The following FTO variants were observed in gnomAD, a reference collection of about 807,000 sequenced individuals.
The protein encoded by FTO is alpha-ketoglutarate-dependent dioxygenase FTO.
In FTO, 47 loss-of-function variants were observed where a neutral mutation model predicts 63.9. That is an observed-to-expected ratio of 0.74 (90% CI 0.58 to 0.94). The LOEUF is 0.94. Among genes scored for constraint, FTO ranks in the 40% least tolerant of loss-of-function variants. The probability of loss-of-function intolerance (pLI) is 0.00; values close to 1 mark genes in which losing one functional copy is unlikely to be tolerated. For missense variants in FTO, 562 were observed against 618.1 expected, an observed-to-expected ratio of 0.91 and a Z score of 0.96; for synonymous variants, 207 against 224.4, an observed-to-expected ratio of 0.92 and a Z score of 0.69.
rs995426018 is a variant in FTO at position 53,802,002 on chromosome 16, C to T, written c.46-8138C>T. On this transcript the variant is annotated intron_variant, in intron 1 of 8. Coordinates refer to ENST00000471389, the MANE Select transcript of FTO (RefSeq NM_001080432.3). ...CTTGAACTCCTGGCCTCAAGTTATCCACCCGCCCACCTCGGCCTCCCAAAG... is the reference window on the plus strand; with the variant it reads ...CTTGAACTCCTGGCCTCAAGTTATCTACCCGCCCACCTCGGCCTCCCAAAG... Among the ~76,000 whole-genome samples the T allele has an allele frequency of 2.6e-5, 4 of 152,182 alleles. No individual in the cohort carries two copies. The East Asian group carries it at 7.7e-4, about 29-fold the overall frequency.
At chr16:53,869,062 C>T (rs761120356) in intron 4 of FTO, among the ~76,000 whole-genome samples, 2 of 152,076 alleles carry the variant, frequency 1.3e-5, no homozygotes, top group Non-Finnish European at 2.9e-5. Context: ...GAACTACTGA[C>T]CTCAAGCGAT....
intron 8 of FTO, among the ~76,000 whole-genome samples, chr16:53,989,307 G>C (rs2083746395): frequency 6.6e-6 from 1 of 152,204 alleles, no homozygotes; most frequent in Non-Finnish European, 1.5e-5. Flanking sequence ...TAAGGCAAGA[G>C]ATGGGGAAAC....
intron 8 of FTO, among the ~76,000 whole-genome samples, chr16:54,057,462 G>GTTGTTTT: frequency 1.3e-5 from 2 of 152,202 alleles, no homozygotes; most frequent in African/African-American, 4.8e-5. Flanking sequence ...AGAAGCAAAT[G>GTTGTTTT]TTGTTTTTTG....
At chr16:53,839,812 TTTATTTA>T (rs1384056772) in intron 3 of FTO, among the ~76,000 whole-genome samples, 724 of 46,622 alleles carry the variant, frequency 0.016, 10 homozygotes, top group African/African-American at 0.061. Flanking sequence ...TATTTATTTA[TTTATTTA>T]TTTTAAGGTG....
chr16:53,743,233 G>A lies in FTO; in HGVS notation c.45+39004G>A, dbSNP rs57654719. 9.7e-3 allele frequency among the ~76,000 whole-genome samples: 1,474 copies of A among 152,236 alleles called. 21 individuals are homozygous for A. Among genetic ancestry groups the A allele is most frequent in the East Asian group, 0.04 (208 of 5,180 alleles). ...GTGATTTAAGTTAACATGATTTGAA[G>A]CTTCACTGTGGTCGGAATGAAAGCT... is the stretch of plus-strand genomic sequence containing the variant. On this transcript the variant is annotated intron_variant, in intron 1 of 8. Coordinates refer to ENST00000471389, the MANE Select transcript of FTO (RefSeq NM_001080432.3).
At chr16:54,023,490 C>CG (rs1354403601) in intron 8 of FTO, among the ~76,000 whole-genome samples, 1 of 152,200 alleles carries the variant, frequency 6.6e-6, no homozygotes, top group East Asian at 1.9e-4. Flanking sequence ...ATCTCACACT[C>CG]GCTGACCTCC....
intron 7 of FTO, among the ~76,000 whole-genome samples, chr16:53,910,327 G>T (rs1304244853): frequency 6.6e-6 from 1 of 152,090 alleles, no homozygotes; most frequent in Non-Finnish European, 1.5e-5. Flanking sequence ...TGGAGACAGT[G>T]GTTGGAGCTG....
intron 8 of FTO, among the ~76,000 whole-genome samples, chr16:54,048,124 A>AAG (rs2085220636): frequency 1.0e-5 from 1 of 100,162 alleles, no homozygotes; most frequent in Non-Finnish European, 1.8e-5. Context: ...AAAAAAAAAA[A>AAG]TTAAAAAAAA....
chr16:53,856,278 CA>C (rs2079989806), intron 4 of FTO, among the ~76,000 whole-genome samples: 1 of 151,712 alleles, frequency 6.6e-6, no homozygotes, highest in South Asian at 2.1e-4. Context: ...TCAGTCCCAG[CA>C]GCACGTTTCA....
intron 8 of FTO, among the ~76,000 whole-genome samples, chr16:54,001,272 G>GT (rs1284587985): frequency 1.3e-5 from 2 of 152,174 alleles, no homozygotes; most frequent in African/African-American, 2.4e-5. Context: ...AATTTAAATA[G>GT]TTTTTTCCGT....
intron 8 of FTO, among the ~76,000 whole-genome samples, chr16:53,959,119 GT>G: frequency 6.6e-6 from 1 of 152,314 alleles, no homozygotes; most frequent in East Asian, 1.9e-4. Flanking sequence ...TGGTAGGTAT[GT>G]TTATTATCTC....
In FTO at chr16:53,946,303, A is replaced by G. The variant is rs1478350188; in HGVS notation, c.1364+12194A>G. Among the ~76,000 whole-genome samples the G allele has an allele frequency of 2.6e-5, 4 of 152,374 alleles. No homozygotes were observed. The East Asian group carries it at 7.7e-4, about 29-fold the overall frequency. ...TTCTCAGGTATTGGTCAGACTGTTCAGTATCCATGCGTGAAAGAAATAGGT... is the reference window on the plus strand; with the variant it reads ...TTCTCAGGTATTGGTCAGACTGTTCGGTATCCATGCGTGAAAGAAATAGGT... On this transcript the variant is annotated intron_variant, in intron 8 of 8. Coordinates refer to ENST00000471389, the MANE Select transcript of FTO (RefSeq NM_001080432.3).
At chr16:54,059,253 G>A (rs2085513749) in intron 8 of FTO, among the ~76,000 whole-genome samples, 1 of 152,202 alleles carries the variant, frequency 6.6e-6, no homozygotes, top group African/African-American at 2.4e-5. Context: ...AGGAGCCATT[G>A]CATTTCCCGA....
intron 7 of FTO, among the ~76,000 whole-genome samples, chr16:53,889,728 G>GGGAAGGA (rs2081099980): frequency 6.6e-6 from 1 of 152,062 alleles, no homozygotes; most frequent in Admixed American, 6.6e-5. Context: ...CAGAAGTCAG[G>GGGAAGGA]TGTGACCAGA....
chr16:53,906,781 C>T lies in FTO; in HGVS notation c.1239+17830C>T, dbSNP rs956889643. Among the ~76,000 whole-genome samples the T allele has an allele frequency of 5.3e-5, 8 of 152,114 alleles. No individual in the cohort carries two copies. The South Asian group carries it at 1.2e-3, about 24-fold the overall frequency. On this transcript the variant is annotated intron_variant, in intron 7 of 8. Transcript: ENST00000471389. Reference sequence around the variant, plus strand: ...CTTCTAAAGTGGACCAGTGGCTGTCCGTTCCCCCAAACTAGCCCCCTTCTA... The same window carrying T: ...CTTCTAAAGTGGACCAGTGGCTGTCTGTTCCCCCAAACTAGCCCCCTTCTA...
intron 1 of FTO, among the ~76,000 whole-genome samples, chr16:53,808,546 AG>A (rs1004941221): frequency 6.6e-6 from 1 of 152,182 alleles, no homozygotes; most frequent in African/African-American, 2.4e-5. Context: ...GATACAAAAA[AG>A]GTCCAGAAAG....
chr16:53,943,677 T>A (rs1241636158), intron 8 of FTO, among the ~76,000 whole-genome samples: 1 of 152,222 alleles, frequency 6.6e-6, no homozygotes, highest in Non-Finnish European at 1.5e-5. Flanking sequence ...TGCTATGCCC[T>A]GTATATTCAC....
At chr16:53,990,054 A>T (rs58329151) in intron 8 of FTO, among the ~76,000 whole-genome samples, 68,813 of 151,654 alleles carry the variant, frequency 0.45, 16,524 homozygotes, top group African/African-American at 0.55. Flanking sequence ...TGTTTATGTG[A>T]ATCAGTAAGG....
chr16:53,907,710 C>G (rs555035350), intron 7 of FTO, among the ~76,000 whole-genome samples: 18 of 152,304 alleles, frequency 1.2e-4, no homozygotes, highest in Admixed American at 3.3e-4. Flanking sequence ...CTCAATCAGT[C>G]TAATCACATC....
Sources: allele counts gnomAD v4.1 joint callset (sites outside exome capture counted in the v4.1 genomes callset), GRCh38; gene constraint gnomAD v4.1.1; transcripts MANE v1.5; gene names NCBI Gene and HGNC (gene_info 2026-07-23, HGNC 2026-07-21).